Variants in LRRC7 observed in about 807,000 individuals in gnomAD.
LRRC7 encodes leucine-rich repeat-containing protein 7.
Under a neutral mutation model 175.7 loss-of-function variants are expected in LRRC7, and 23 were observed. The ratio of observed to expected loss-of-function variants is 0.13; its 90% CI spans 0.09 to 0.19. The LOEUF (loss-of-function observed/expected upper bound fraction) is 0.19. Ranked by LOEUF, LRRC7 falls within the 10% of genes least tolerant of loss-of-function variation. The pLI is 1.00. For missense variants in LRRC7, 1,354 were observed against 1,904.7 expected, an observed-to-expected ratio of 0.71 and a Z score of 5.38; for synonymous variants, 685 against 680.9, an observed-to-expected ratio of 1.01 and a Z score of -0.09.
rs751936060 is a variant in LRRC7, at chr1:69,838,310, T to G, written c.647+27T>G. The stretch of plus-strand genomic sequence containing the variant: ...TAAGTGACTGTGTATTTTCTGAATT[T>G]TGAACTGTGATTTTTTTCACTAGTA... On this transcript the variant is annotated intron_variant, in intron 7 of 26. Transcript: ENST00000651989. The G allele has an allele frequency of 4.5e-6, 7 of 1,565,782 alleles. No homozygotes were observed. The East Asian group carries it at 1.6e-4, about 35-fold the overall frequency.
chr1:70,097,785 A>G (rs568386770), intron 25 of LRRC7, among the ~76,000 whole-genome samples: 1 of 151,858 alleles, frequency 6.6e-6, no homozygotes, highest in African/African-American at 2.4e-5. Flanking sequence ...TACAAAGGAC[A>G]TGAACTCATC....
chr1:69,648,914 G>GA (rs148878270), intron 1 of LRRC7, among the ~76,000 whole-genome samples: 7,879 of 152,266 alleles, frequency 0.052, 239 homozygotes, highest in Admixed American at 0.067. Flanking sequence ...ATCACTATGA[G>GA]AAAAGGCAAA....
intron 11 of LRRC7, among the ~76,000 whole-genome samples, chr1:69,998,999 G>A (rs982982382): frequency 2.0e-5 from 3 of 152,136 alleles, no homozygotes; most frequent in African/African-American, 7.2e-5. Flanking sequence ...TTTGCCTCAG[G>A]AACAGGCAAC....
At chr1:69,568,674 G>T (rs377168876) in intron 1 of LRRC7, 33 bp downstream of exon 1, 569 of 1,297,602 alleles carry the variant, frequency 4.4e-4, no homozygotes, top group Admixed American at 9.1e-4. Context: ...GTGGCGGAGG[G>T]TGCTGCGGGG....
intron 20 of LRRC7, 84 bp from the exon 21 acceptor site, chr1:70,038,029 T>C: frequency 6.8e-7 from 1 of 1,478,278 alleles, no homozygotes; most frequent in Non-Finnish European, 9.1e-7. Flanking sequence ...CAAAGGATGA[T>C]GGCCCTCTTT....
chr1:69,851,662 T>G (rs1683002122), intron 7 of LRRC7, among the ~76,000 whole-genome samples: 1 of 152,080 alleles, frequency 6.6e-6, no homozygotes. Context: ...GTAGAAAATA[T>G]TAGAGGTTTA....
intron 2 of LRRC7, among the ~76,000 whole-genome samples, chr1:69,730,806 T>A (rs1355899266): frequency 6.6e-6 from 1 of 152,172 alleles, no homozygotes; most frequent in Non-Finnish European, 1.5e-5. Flanking sequence ...ATTTACTGTA[T>A]TAGTCTGTTC....
chr1:69,880,107 C>G (rs1227229138), intron 7 of LRRC7, among the ~76,000 whole-genome samples: 3 of 152,066 alleles, frequency 2.0e-5, no homozygotes, highest in Non-Finnish European at 4.4e-5. Context: ...TTTGCATACG[C>G]TGGGTAGGGG....
At chr1:69,860,998 T>C (rs984902585) in intron 7 of LRRC7, among the ~76,000 whole-genome samples, 1 of 152,010 alleles carries the variant, frequency 6.6e-6, no homozygotes, top group East Asian at 1.9e-4. Context: ...TTTGGGTCAC[T>C]TGAGGCTCAG....
chr1:69,859,193 C>T (rs1279919418), intron 7 of LRRC7, among the ~76,000 whole-genome samples: 1 of 152,068 alleles, frequency 6.6e-6, no homozygotes, highest in Non-Finnish European at 1.5e-5. Context: ...CACGTTTTCA[C>T]TGAGTGTGAC....
intron 7 of LRRC7, among the ~76,000 whole-genome samples, chr1:69,853,691 A>G (rs1021934811): frequency 1.3e-5 from 2 of 152,220 alleles, no homozygotes; most frequent in African/African-American, 4.8e-5. Context: ...ATGAAGGCAG[A>G]GCTAAACTCA....
chr1:69,709,995 TCAA>T (rs1664545104), intron 2 of LRRC7, among the ~76,000 whole-genome samples: 2 of 152,026 alleles, frequency 1.3e-5, no homozygotes, highest in African/African-American at 4.8e-5. Context: ...AGAAAAAAAG[TCAA>T]CCGGTGTGGT....
chr1:69,586,855 A>T (rs1289904254), intron 1 of LRRC7, among the ~76,000 whole-genome samples: 2 of 141,340 alleles, frequency 1.4e-5, no homozygotes, highest in Non-Finnish European at 3.3e-5. Context: ...GATTCTAAGA[A>T]ATTCCATTTA....
intron 23 of LRRC7, among the ~76,000 whole-genome samples, chr1:70,054,686 A>C (rs1571190590): frequency 7.8e-6 from 1 of 127,634 alleles, no homozygotes; most frequent in Non-Finnish European, 1.6e-5. Flanking sequence ...TGCAATCTCC[A>C]CCTCCCAGGT....
intron 4 of LRRC7, among the ~76,000 whole-genome samples, chr1:69,818,965 T>G (rs926063338): frequency 1.3e-5 from 2 of 152,116 alleles, no homozygotes; most frequent in Non-Finnish European, 2.9e-5. Flanking sequence ...TGATTCTACT[T>G]ATTTAAGTAG....
chr1:70,042,171 G>T (rs982492363), intron 21 of LRRC7, among the ~76,000 whole-genome samples: 4 of 152,132 alleles, frequency 2.6e-5, no homozygotes, highest in African/African-American at 9.7e-5. Context: ...ATTTCTTTCT[G>T]TCTTTCAGTT....
At chr1:69,986,814 T>C (rs920963305) in intron 10 of LRRC7, among the ~76,000 whole-genome samples, 1 of 152,198 alleles carries the variant, frequency 6.6e-6, no homozygotes, top group Non-Finnish European at 1.5e-5. Context: ...GAGTAACATA[T>C]AAAAAGTATA....
intron 7 of LRRC7, among the ~76,000 whole-genome samples, chr1:69,927,879 G>A (rs1270842663): frequency 6.6e-6 from 1 of 152,154 alleles, no homozygotes; most frequent in Non-Finnish European, 1.5e-5. Context: ...AGGAGGAGAG[G>A]CGCTCTGCTT....
At chr1:69,682,245 A>C (rs934066564) in intron 2 of LRRC7, among the ~76,000 whole-genome samples, 1 of 152,094 alleles carries the variant, frequency 6.6e-6, no homozygotes, top group Admixed American at 6.6e-5. Context: ...AGTCAGGCAC[A>C]CCCAAGATAA....
Sources: gnomAD v4.1 joint callset for allele counts (sites outside exome capture counted in the v4.1 genomes callset) on GRCh38, gnomAD v4.1.1 for gene constraint, MANE v1.5 for transcripts, NCBI Gene and HGNC (gene_info 2026-07-23, HGNC 2026-07-21) for gene names.